Variants in ITGA6 observed in about 807,000 individuals in gnomAD.
ITGA6 encodes the protein integrin subunit alpha 6, also known as integrin alpha-6.
Under a neutral mutation model 133.6 loss-of-function variants are expected in ITGA6, and 63 were observed. The ratio of observed to expected loss-of-function variants is 0.47; its 90% CI spans 0.38 to 0.58. The LOEUF is 0.58. Ranked by LOEUF, ITGA6 falls within the 20% of genes least tolerant of loss-of-function variation. The probability of loss-of-function intolerance (pLI) is 0.00; values close to 1 mark genes in which losing one functional copy is unlikely to be tolerated. For synonymous variants in ITGA6, 434 were observed against 482.0 expected (o/e 0.90, Z 1.30); for missense variants, 1,068 against 1,309.4 (o/e 0.82, Z 2.85).
At chr2:172,438,965 ACCT>A (rs1310132773) in intron 1 of ITGA6, among the ~76,000 whole-genome samples, 2 of 151,982 alleles carry the variant, frequency 1.3e-5, no homozygotes, top group East Asian at 3.8e-4. Context: ...CAATCTGCAG[ACCT>A]TTGTGCTATA....
intron 1 of ITGA6, among the ~76,000 whole-genome samples, chr2:172,440,060 T>C (rs1442911470): frequency 2.0e-5 from 3 of 152,168 alleles, no homozygotes; most frequent in Non-Finnish European, 4.4e-5. Context: ...ATTCTTCAGG[T>C]CAACATTGGT....
intron 24 of ITGA6, 37 bp downstream of exon 24, chr2:172,498,137 T>C (rs760892326): frequency 1.9e-6 from 3 of 1,594,312 alleles, no homozygotes; most frequent in Admixed American, 3.3e-5. Context: ...CATAACAAAC[T>C]TTATTTCATG....
At chr2:172,479,492 C>G in intron 9 of ITGA6, 149 bp from the exon 10 acceptor site, 1 of 742,918 alleles carries the variant, frequency 1.3e-6, no homozygotes, top group South Asian at 1.4e-5. Flanking sequence ...CAGTTATTTT[C>G]TTCAGCAATG....
In ITGA6 at chr2:172,491,577, C is replaced by T. The variant is rs1686931115; in HGVS notation, c.2988+54C>T. The T allele has an allele frequency of 1.7e-6, 2 of 1,150,788 alleles. No individual in the cohort carries two copies. Among genetic ancestry groups the T allele is most frequent in the South Asian group, 2.5e-5 (2 of 79,858 alleles). 71.3% of individuals were successfully genotyped at this position (1,150,788 alleles called of 1,614,324 possible). On this transcript the variant is annotated intron_variant, in intron 23 of 25. Coordinates refer to ENST00000684293, the MANE Select transcript of ITGA6 (RefSeq NM_000210.4). The surrounding 1 kb of genome is among the most constrained non-coding windows in gnomAD (Gnocchi z 4.4). ...TCAGAACATGTCTCTTTTCCCTGTA[C>T]CCCACACTCATGTCCTGAAGTCATG...
chr2:172,429,845 C>G (rs979673181), intron 1 of ITGA6, among the ~76,000 whole-genome samples: 1 of 152,186 alleles, frequency 6.6e-6, no homozygotes, highest in African/African-American at 2.4e-5. Context: ...TCACGTGCTG[C>G]CCACCTCCAT....
At chr2:172,501,688 G>A (rs1466610039) in intron 24 of ITGA6, 84 bp from the exon 25 acceptor site, 27 of 1,383,076 alleles carry the variant, frequency 2.0e-5, no homozygotes, top group Non-Finnish European at 2.6e-5. Flanking sequence ...ACTAGTAGAA[G>A]GCAGATTAAA....
intron 25 of ITGA6, among the ~76,000 whole-genome samples, chr2:172,502,873 A>ATTTT (rs1687403069): frequency 1.3e-5 from 2 of 152,206 alleles, no homozygotes; most frequent in Non-Finnish European, 2.9e-5. Flanking sequence ...ATTGCCATTC[A>ATTTT]GCTTTACATA....
chr2:172,437,305 C>G (rs1684362683), intron 1 of ITGA6, among the ~76,000 whole-genome samples: 1 of 152,168 alleles, frequency 6.6e-6, no homozygotes, highest in African/African-American at 2.4e-5. Context: ...GACTAGGAGG[C>G]TCCTGTAATA....
Position 172,484,838 on chromosome 2 carries a change from A to G in ITGA6, c.1606A>G (p.Arg536Gly). 6.2e-7 allele frequency: 1 copy of G among 1,614,160 alleles called. No homozygotes were observed. Among genetic ancestry groups the G allele is most frequent in the South Asian group, 1.1e-5 (1 of 91,082 alleles). Residue 536 changes from arginine to glycine, a missense_variant, in exon 12 of 26, where the codon AGA (arginine) becomes GGA (glycine). Transcript: ENST00000684293. ...AAGAAGAAAATCTGGGCTATCCTCA[A>G]GAGTTCAGTTTCGAAACCAAGGTTC... ...KERRKSGLSSRVQFRNQGSEP... is the reference protein window; with the variant it reads ...KERRKSGLSSGVQFRNQGSEP...
At chr2:172,490,066 C>T (rs981580880) in intron 20 of ITGA6, 1 of 190,474 alleles carries the variant, frequency 5.3e-6, no homozygotes, top group Non-Finnish European at 1.1e-5. Flanking sequence ...ACCTTGAAAG[C>T]TTTTTATGCT....
intron 1 of ITGA6, among the ~76,000 whole-genome samples, chr2:172,453,123 G>A (rs1685073576): frequency 6.6e-6 from 1 of 152,166 alleles, no homozygotes; most frequent in Non-Finnish European, 1.5e-5. Context: ...CAACCTGGCA[G>A]CTGGCATTTC....
At chr2:172,449,642 C>G (rs1684902835) in intron 1 of ITGA6, among the ~76,000 whole-genome samples, 1 of 152,016 alleles carries the variant, frequency 6.6e-6, no homozygotes, top group African/African-American at 2.4e-5. Context: ...AAGGAAGGGC[C>G]TCTGTGAGAA....
intron 23 of ITGA6, among the ~76,000 whole-genome samples, chr2:172,497,621 A>G (rs977466203): frequency 1.3e-5 from 2 of 152,160 alleles, no homozygotes; most frequent in African/African-American, 4.8e-5. Context: ...TTGTTTAGAT[A>G]CACAGACTGG....
At position 172,479,276 on chromosome 2, in the gene ITGA6, T is replaced by G. The variant is rs544268251; in HGVS notation, c.1389-365T>G. On this transcript the variant is annotated intron_variant, in intron 9 of 25. Coordinates refer to ENST00000684293, the MANE Select transcript of ITGA6 (RefSeq NM_000210.4). The stretch of plus-strand genomic sequence containing the variant: ...AATTAAGTTCCCATTTAGTTGAAAT[T>G]ATACATATATTTTAATATTTAATTT... Among the ~76,000 whole-genome samples the G allele has an allele frequency of 2.0e-5, 3 of 152,328 alleles. No individual in the cohort carries two copies. The South Asian group carries it at 6.2e-4, about 32-fold the overall frequency.
chr2:172,499,614 G>A (rs755434040), intron 24 of ITGA6, among the ~76,000 whole-genome samples: 43 of 152,224 alleles, frequency 2.8e-4, no homozygotes, highest in Admixed American at 6.5e-4. Context: ...CTCCTGCCTT[G>A]GCCTTCCAAA....
In ITGA6 at chr2:172,427,978, C is replaced by T; in HGVS notation, c.182+8C>T. The T allele has an allele frequency of 7.5e-6, 12 of 1,600,636 alleles. No individual in the cohort carries two copies. Among genetic ancestry groups the T allele is most frequent in the South Asian group, 1.1e-5 (1 of 89,402 alleles). On this transcript the variant is annotated splice_region_variant and intron_variant, in intron 1 of 25. Coordinates refer to ENST00000684293, the MANE Select transcript of ITGA6 (RefSeq NM_000210.4). ...GCCCGAGGACAAGCGGCTGTGAGTT[C>T]CCAGACCCTTCCCACCCCCACTGGG...
chr2:172,444,808 G>A (rs1684690477), intron 1 of ITGA6, among the ~76,000 whole-genome samples: 2 of 150,610 alleles, frequency 1.3e-5, no homozygotes, highest in African/African-American at 4.9e-5. Context: ...TAAGCGAGGA[G>A]CCCCTGGATT....
intron 24 of ITGA6, among the ~76,000 whole-genome samples, chr2:172,499,923 G>GTT (rs1687280385): frequency 8.9e-6 from 1 of 112,696 alleles, no homozygotes. Flanking sequence ...TATTTTGGGA[G>GTT]TTTTTGTTTT....
intron 13 of ITGA6, 25 bp from the exon 14 acceptor site, chr2:172,486,998 G>T: frequency 2.3e-6 from 3 of 1,298,290 alleles, no homozygotes; most frequent in South Asian, 2.4e-5. Flanking sequence ...GGTGTAAATT[G>T]ACAATAGTTT....
Sources: gnomAD v4.1 joint callset for allele counts (sites outside exome capture counted in the v4.1 genomes callset) on GRCh38, gnomAD v4.1.1 for gene constraint, Gnocchi (gnomAD v3.1) non-coding constraint, MANE v1.5 for transcripts, NCBI Gene and HGNC (gene_info 2026-07-23, HGNC 2026-07-21) for gene names.